The following ANKLE2 variants were observed in gnomAD, a reference collection of about 807,000 sequenced individuals.
The protein encoded by ANKLE2 is ankyrin repeat and LEM domain-containing protein 2.
Under a neutral mutation model 84.2 loss-of-function variants are expected in ANKLE2, and 55 were observed. That is an observed-to-expected ratio of 0.65 (90% CI 0.53 to 0.82). The LOEUF is 0.82. ANKLE2 is among the 40% of genes least tolerant of loss of function. The probability of loss-of-function intolerance (pLI) is 0.00; values close to 1 mark genes in which losing one functional copy is unlikely to be tolerated. For synonymous variants in ANKLE2, 551 were observed against 486.1 expected (o/e 1.13, Z -1.76); for missense variants, 1,238 against 1,201.9 (o/e 1.03, Z -0.44).
rs368820844 is a variant in ANKLE2, at chr12:132,728,194, T to A, written c.2484-31A>T. ...AAGCACAATAAAAGAAGCAAAAACATCTTTGGTAAAAACATAAAGACTTCT... is the reference window on the plus strand; with the variant it reads ...AAGCACAATAAAAGAAGCAAAAACAACTTTGGTAAAAACATAAAGACTTCT... On this transcript the variant is annotated intron_variant, in intron 11 of 12. Coordinates refer to ENST00000357997, the MANE Select transcript of ANKLE2 (RefSeq NM_015114.3). 320 of 1,601,976 alleles carry A rather than the reference T, an allele frequency of 2.0e-4. 1 individual carries two copies. Among genetic ancestry groups the A allele is most frequent in the Non-Finnish European group, 2.5e-4 (299 of 1,177,086 alleles).
At position 132,755,024 on chromosome 12, in the gene ANKLE2, A is replaced by G; in HGVS notation, c.291T>C (p.Thr97=). The stretch of plus-strand genomic sequence containing the variant: ...ATTTTTTCTCAAAAATGAACCTTGT[A>G]GTTGATGTAATGGGTCCACATTTCA... ...AGLKCGPITS[T]TRFIFEKKLA... is the part of the protein sequence containing the mutation. Residue 97 remains threonine (T), a synonymous_variant, in exon 2 of 13, where the codon ACT becomes ACC. Coordinates refer to ENST00000357997, the MANE Select transcript of ANKLE2 (RefSeq NM_015114.3). 1 of 1,614,154 alleles carries G rather than the reference A, an allele frequency of 6.2e-7. No individual in the cohort carries two copies. Among genetic ancestry groups the G allele is most frequent in the Non-Finnish European group, 8.5e-7 (1 of 1,180,038 alleles).
In ANKLE2 at chr12:132,726,249, A is replaced by G. The variant is rs1043649099; in HGVS notation, c.*993T>C. 6.5e-6 allele frequency: 1 copy of G among 153,666 alleles called. No individual in the cohort carries two copies. The highest frequency in any genetic ancestry group is 1.5e-5 in the Non-Finnish European group (1 of 68,286). 9.5% of individuals were successfully genotyped at this position (153,666 alleles called of 1,614,324 possible). On this transcript the variant is annotated 3_prime_UTR_variant, in exon 13 of 13. Transcript: ENST00000357997. ...CCTCAGCGGCTCCTCACACATTCCA[A>G]CCACAGACCTTCATTCAAGTCAAGG...
At chr12:132,730,854 T>G (rs1325213976) in intron 10 of ANKLE2, 2 of 152,410 alleles carry the variant, frequency 1.3e-5, no homozygotes, top group African/African-American at 4.8e-5. Context: ...TGACTTTTCT[T>G]TCAAAGGCAG....
chr12:132,734,281 A>G, intron 10 of ANKLE2, 104 bp downstream of exon 10: 1 of 1,235,596 alleles, frequency 8.1e-7, no homozygotes, highest in Non-Finnish European at 1.1e-6. Context: ...CCAGACCTTT[A>G]CGTTAAAAAC....
At chr12:132,735,276 G>A (rs1205816970) in intron 9 of ANKLE2, 130 bp downstream of exon 9, 7 of 863,432 alleles carry the variant, frequency 8.1e-6, no homozygotes, top group East Asian at 5.0e-5. Context: ...AGACCTTCAC[G>A]AAAAGGACCA....
intron 2 of ANKLE2, among the ~76,000 whole-genome samples, chr12:132,752,025 G>A (rs1488481614): frequency 6.6e-6 from 1 of 152,136 alleles, no homozygotes; most frequent in Non-Finnish European, 1.5e-5. Flanking sequence ...ACAGACGAAT[G>A]GTTACTGTCC....
intron 6 of ANKLE2, chr12:132,742,212 C>T (rs1291185259): frequency 1.2e-5 from 2 of 163,432 alleles, no homozygotes; most frequent in East Asian, 3.7e-4. Flanking sequence ...CACACACACA[C>T]ACACACACAA....
intron 2 of ANKLE2, among the ~76,000 whole-genome samples, chr12:132,752,124 T>A (rs1593177149): frequency 6.6e-6 from 1 of 152,086 alleles, no homozygotes; most frequent in African/African-American, 2.4e-5. Context: ...GTGGATCACC[T>A]GACGTTGAGA....
intron 1 of ANKLE2, chr12:132,760,733 C>T (rs2044607985): frequency 6.6e-6 from 1 of 152,254 alleles, no homozygotes. Flanking sequence ...TATCTGGAAG[C>T]TCCCTGAACC....
chr12:132,745,249 T>G (rs1459341397), intron 5 of ANKLE2: 1 of 183,734 alleles, frequency 5.4e-6, no homozygotes, highest in Admixed American at 5.8e-5. Context: ...CAGGTGGGGC[T>G]GCCCAGGCTA....
At chr12:132,738,930 A>G (rs2044067645) in intron 7 of ANKLE2, 1 of 152,186 alleles carries the variant, frequency 6.6e-6, no homozygotes, top group South Asian at 2.1e-4. Flanking sequence ...ATACCACAGG[A>G]TATTAAGAAC....
Position 132,727,193 on chromosome 12 carries a change from C to G in ANKLE2, c.*49G>C. On this transcript the variant is annotated 3_prime_UTR_variant, in exon 13 of 13. Transcript: ENST00000357997. ...TGACAGTTTAGCAATAAACATATGACCCTTCCTTCTTTAAAAATGAAGAAC... is the reference window on the plus strand; with the variant it reads ...TGACAGTTTAGCAATAAACATATGAGCCTTCCTTCTTTAAAAATGAAGAAC... 1 of 1,474,428 alleles carries G rather than the reference C, an allele frequency of 6.8e-7. No homozygotes were observed. Among genetic ancestry groups the G allele is most frequent in the Non-Finnish European group, 9.0e-7 (1 of 1,105,222 alleles). 91.3% of individuals were successfully genotyped at this position (1,474,428 alleles called of 1,614,324 possible).
chr12:132,752,982 ACC>A (rs1434275719), intron 2 of ANKLE2, among the ~76,000 whole-genome samples: 2 of 146,532 alleles, frequency 1.4e-5, no homozygotes, highest in African/African-American at 5.0e-5. Context: ...ATAAAGCGAG[ACC>A]CAGTCTCTTA....
chr12:132,737,421 A>AT (rs2136128458), intron 7 of ANKLE2: 1 of 177,450 alleles, frequency 5.6e-6, no homozygotes, highest in South Asian at 1.6e-4. Context: ...TAAAAATGTT[A>AT]TATTTCATTC....
chr12:132,733,544 G>C (rs1366819488), intron 10 of ANKLE2, among the ~76,000 whole-genome samples: 2 of 148,156 alleles, frequency 1.3e-5, no homozygotes, highest in Admixed American at 1.3e-4. Context: ...GATATGCACC[G>C]TGTGAAGCGC....
In ANKLE2 at chr12:132,734,373, G is replaced by T; in HGVS notation, c.1891+12C>A. 1.2e-6 allele frequency: 2 copies of T among 1,613,104 alleles called. No homozygotes were observed. Among genetic ancestry groups the T allele is most frequent in the Non-Finnish European group, 1.7e-6 (2 of 1,179,738 alleles). On this transcript the variant is annotated intron_variant, in intron 10 of 12. Coordinates refer to ENST00000357997, the MANE Select transcript of ANKLE2 (RefSeq NM_015114.3). ...CCTCCCAGCTGCCACAGCCACGCCT[G>T]CACATGCTTACCAGACGTGGTGGCT...
At chr12:132,732,369 A>G (rs756058808) in intron 10 of ANKLE2, among the ~76,000 whole-genome samples, 1 of 100,684 alleles carries the variant, frequency 9.9e-6, no homozygotes, top group Non-Finnish European at 1.9e-5. Flanking sequence ...TCTGATACGC[A>G]CTGTGAAGCG....
At position 132,727,536 on chromosome 12, in the gene ANKLE2, A is replaced by ACGCGCCCGGGCGGAGGAGAGGCAC. The variant is rs2043725413; in HGVS notation, c.2616-94_2616-93insGTGCCTCTCCTCCGCCCGGGCGCG. 5 of 1,456,090 alleles carry ACGCGCCCGGGCGGAGGAGAGGCAC rather than the reference A, an allele frequency of 3.4e-6. No individual in the cohort carries two copies. In the African/African-American group the frequency reaches 4.2e-5, roughly 12 times the overall value. The allele number at this position is 1,456,090 out of a possible 1,614,324, so 90.2% of individuals were successfully genotyped here. A position where few individuals can be genotyped will look rare whatever the true frequency, so the allele number is the denominator to read the frequency against. ...GAATAATGGCCCCAGACTCAGGCAC[A>ACGCGCCCGGGCGGAGGAGAGGCAC]TGCGCCCGGGCGGAGGAGAGGCACT... On this transcript the variant is annotated intron_variant, in intron 12 of 12. Coordinates refer to ENST00000357997, the MANE Select transcript of ANKLE2 (RefSeq NM_015114.3).
In ANKLE2 at chr12:132,743,230, T is replaced by A; in HGVS notation, c.1277A>T (p.Asp426Val). The A allele has an allele frequency of 1.9e-6, 3 of 1,612,094 alleles. No individual in the cohort carries two copies. Among genetic ancestry groups the A allele is most frequent in the Non-Finnish European group, 2.5e-6 (3 of 1,179,106 alleles). Residue 426 changes from aspartate to valine, a missense_variant, in exon 6 of 13, where the codon GAT becomes GTT. Coordinates refer to ENST00000357997, the MANE Select transcript of ANKLE2 (RefSeq NM_015114.3). This position sits in a 1 kb window ranked among gnomAD's most constrained non-coding sequence, Gnocchi z 4.1. ...LHFACKFGNA[D>V]VVNVLSSHHL... is the part of the protein sequence containing the mutation. ...GTGTGACGAAAGCACGTTGACTACATCTGCATTTCCAAACTTACAAGCAAA... is the reference window on the plus strand; with the variant it reads ...GTGTGACGAAAGCACGTTGACTACAACTGCATTTCCAAACTTACAAGCAAA...
Sources: gnomAD v4.1 joint callset for allele counts (sites outside exome capture counted in the v4.1 genomes callset) on GRCh38, gnomAD v4.1.1 for gene constraint, Gnocchi (gnomAD v3.1) non-coding constraint, MANE v1.5 for transcripts, NCBI Gene and HGNC (gene_info 2026-07-23, HGNC 2026-07-21) for gene names.